Variants in SLC2A2 observed in about 807,000 individuals in gnomAD.
SLC2A2 encodes the protein solute carrier family 2 member 2.
SLC2A2 carries 36 observed loss-of-function variants against 54.5 expected under a neutral mutation model. The observed-to-expected ratio is 0.66, with a 90% confidence interval of 0.51 to 0.87. The LOEUF is 0.87. SLC2A2 is among the 40% of genes least tolerant of loss of function. The pLI, the probability that SLC2A2 is intolerant of heterozygous loss-of-function variation, is 0.00. For synonymous variants in SLC2A2, 223 were observed against 219.1 expected, an observed-to-expected ratio of 1.02 and a Z score of -0.16; for missense variants, 543 against 624.3, an observed-to-expected ratio of 0.87 and a Z score of 1.39.
rs1472003372 is a variant in SLC2A2, at chr3:170,996,899, C to T, written c.*1004G>A. 9 of 376,060 alleles carry T rather than the reference C, an allele frequency of 2.4e-5. No individual in the cohort carries two copies. Among genetic ancestry groups the T allele is most frequent in the Non-Finnish European group, 4.2e-5 (9 of 211,898 alleles). 23.3% of individuals were successfully genotyped at this position (376,060 alleles called of 1,614,324 possible). ...TCAGAAGCCCACACTCAGGAATCCT[C>T]AAACCCTACCTTTTCAACTTATTTT... On this transcript the variant is annotated 3_prime_UTR_variant, in exon 11 of 11. Transcript: ENST00000314251.
At position 170,999,141 on chromosome 3, in the gene SLC2A2, C is replaced by T. The variant is rs781225543; in HGVS notation, c.1094G>A (p.Arg365Gln). 2.0e-5 allele frequency: 32 copies of T among 1,611,868 alleles called. No individual in the cohort carries two copies. Among genetic ancestry groups the T allele is most frequent in the African/African-American group, 1.5e-4 (11 of 74,808 alleles). ...VSVFLVEKAGRRSLFLIGMSG... is the reference protein window; with the variant it reads ...VSVFLVEKAGQRSLFLIGMSG... Reference sequence around the variant, plus strand: ...CATTCCAATTAGAAAGAGAGAACGTCGCCCTGCCTTCTCCACAAGGAATAC... The same window carrying T: ...CATTCCAATTAGAAAGAGAGAACGTTGCCCTGCCTTCTCCACAAGGAATAC... Residue 365 changes from arginine (R) to glutamine (Q), a missense_variant, in exon 9 of 11, where the codon CGA becomes CAA. Physicochemically the swap from Arg to Gln is conservative, Grantham distance 43. Around this residue, in one of 3 missense-constraint regions of SLC2A2, gnomAD observed 117 missense variants for 179.2 expected, o/e 0.65. Transcript: ENST00000314251.
At chr3:170,998,843 TG>T (rs1715215380) in intron 9 of SLC2A2, among the ~76,000 whole-genome samples, 2 of 152,186 alleles carry the variant, frequency 1.3e-5, no homozygotes, top group African/African-American at 4.8e-5. Context: ...ATGGCCTCCC[TG>T]GATGACAACC....
chr3:171,016,837 A>G (rs1576840350), intron 2 of SLC2A2, among the ~76,000 whole-genome samples: 1 of 145,284 alleles, frequency 6.9e-6, no homozygotes, highest in South Asian at 2.2e-4. Flanking sequence ...ACTGGAGGGG[A>G]TGGTTTAATT....
chr3:171,007,018 G>A lies in SLC2A2; in HGVS notation c.612+130C>T, dbSNP rs1715642937. On this transcript the variant is annotated intron_variant, in intron 5 of 10. Coordinates refer to ENST00000314251, the MANE Select transcript of SLC2A2 (RefSeq NM_000340.2). ...TTCTCTCTGTGCTGGTCTACAGTGAGAATGGACAGTCAGGGAGGGACGAGA... is the reference window on the plus strand; with the variant it reads ...TTCTCTCTGTGCTGGTCTACAGTGAAAATGGACAGTCAGGGAGGGACGAGA... 40 of 709,188 alleles carry A rather than the reference G, an allele frequency of 5.6e-5. 2 individuals are homozygous for A. The South Asian group carries it at 6.0e-4, about 11-fold the overall frequency. 43.9% of individuals were successfully genotyped at this position (709,188 alleles called of 1,614,324 possible). A position where few individuals can be genotyped will look rare whatever the true frequency, so the allele number is the denominator to read the frequency against.
At chr3:171,016,839 G>C (rs1435131174) in intron 2 of SLC2A2, among the ~76,000 whole-genome samples, 2 of 146,062 alleles carry the variant, frequency 1.4e-5, no homozygotes, top group African/African-American at 5.3e-5. Flanking sequence ...TGGAGGGGAT[G>C]GTTTAATTTT....
intron 3 of SLC2A2, among the ~76,000 whole-genome samples, chr3:171,013,135 C>A (rs1715967247): frequency 6.6e-6 from 1 of 151,978 alleles, no homozygotes; most frequent in Admixed American, 6.6e-5. Flanking sequence ...TTTAATTTTG[C>A]TTAATTTGAT....
At chr3:171,009,907 A>T in intron 4 of SLC2A2, 51 bp downstream of exon 4, 1 of 1,493,054 alleles carries the variant, frequency 6.7e-7, no homozygotes, top group Non-Finnish European at 9.0e-7. Context: ...TTTCAGACAA[A>T]GGTAGGTGTG....
intron 1 of SLC2A2, among the ~76,000 whole-genome samples, chr3:171,019,124 CGTATGT>C (rs1716325500): frequency 1.8e-4 from 1 of 5,610 alleles, no homozygotes; most frequent in Admixed American, 1.5e-3. Flanking sequence ...TATATATATA[CGTATGT>C]ATATATATAT....
At chr3:171,022,958 C>T (rs963054019) in intron 1 of SLC2A2, among the ~76,000 whole-genome samples, 2 of 152,176 alleles carry the variant, frequency 1.3e-5, no homozygotes, top group South Asian at 2.1e-4. Flanking sequence ...CTATTTCTTT[C>T]CAATCAAATT....
At position 170,997,801 on chromosome 3, in the gene SLC2A2, C is replaced by T. The variant is rs1426806011; in HGVS notation, c.*102G>A. On this transcript the variant is annotated 3_prime_UTR_variant, in exon 11 of 11. Transcript: ENST00000314251. The stretch of plus-strand genomic sequence containing the variant: ...CTGATGAGAGCACATAAAAATAAAA[C>T]AATACTTAAAGATGTGGATATAAAA... The T allele has an allele frequency of 1.1e-6, 1 of 948,616 alleles. No individual in the cohort carries two copies. The highest frequency in any genetic ancestry group is 1.7e-5 in the African/African-American group (1 of 60,316). 58.8% of individuals were successfully genotyped at this position (948,616 alleles called of 1,614,324 possible). A position where few individuals can be genotyped will look rare whatever the true frequency, so the allele number is the denominator to read the frequency against.
At chr3:171,007,949 A>G (rs571956361) in intron 4 of SLC2A2, among the ~76,000 whole-genome samples, 3 of 152,278 alleles carry the variant, frequency 2.0e-5, no homozygotes, top group South Asian at 2.1e-4. Flanking sequence ...AACGAATACA[A>G]AACATTGGAA....
At chr3:171,007,632 A>G (rs1403960690) in intron 4 of SLC2A2, among the ~76,000 whole-genome samples, 1 of 152,074 alleles carries the variant, frequency 6.6e-6, no homozygotes, top group Non-Finnish European at 1.5e-5. Context: ...TCATGGGATT[A>G]AAGGAAATCA....
chr3:171,002,797 G>C, intron 7 of SLC2A2, 117 bp from the exon 8 acceptor site: 3 of 688,520 alleles, frequency 4.4e-6, no homozygotes, highest in Non-Finnish European at 7.8e-6. Flanking sequence ...ATGCACCCTA[G>C]AACTTCGTAC....
At chr3:171,008,700 T>A (rs746348406) in intron 4 of SLC2A2, among the ~76,000 whole-genome samples, 2 of 152,038 alleles carry the variant, frequency 1.3e-5, no homozygotes, top group Non-Finnish European at 2.9e-5. Flanking sequence ...TAATTGGGAC[T>A]TCGTTCATAG....
chr3:171,020,944 T>C (rs1050140011), intron 1 of SLC2A2, among the ~76,000 whole-genome samples: 50 of 150,946 alleles, frequency 3.3e-4, no homozygotes, highest in African/African-American at 1.1e-3. Context: ...TTATCACTTA[T>C]ATATATCATT....
chr3:171,002,451 G>C, intron 8 of SLC2A2, 125 bp downstream of exon 8: 1 of 711,210 alleles, frequency 1.4e-6, no homozygotes, highest in Non-Finnish European at 2.6e-6. Context: ...GACTCACTTG[G>C]GTTTACACAC....
chr3:171,023,084 T>C (rs1716535767), intron 1 of SLC2A2, among the ~76,000 whole-genome samples: 1 of 152,174 alleles, frequency 6.6e-6, no homozygotes, highest in Admixed American at 6.5e-5. Context: ...TTAGAAATCT[T>C]AGCGTGTTAT....
intron 1 of SLC2A2, among the ~76,000 whole-genome samples, chr3:171,021,155 C>T (rs1407644399): frequency 6.6e-6 from 1 of 152,078 alleles, no homozygotes; most frequent in East Asian, 1.9e-4. Context: ...ATTTTATTTA[C>T]TTAGTTGGTG....
chr3:171,026,368 C>CTTTTT (rs58089695), intron 1 of SLC2A2, among the ~76,000 whole-genome samples: 5 of 117,534 alleles, frequency 4.3e-5, no homozygotes, highest in South Asian at 2.8e-4. Context: ...AATCTGCCCC[C>CTTTTT]TTTTTTTTTT....
Sources: gnomAD v4.1 joint callset for allele counts (sites outside exome capture counted in the v4.1 genomes callset) on GRCh38, gnomAD v4.1.1 for gene constraint, gnomAD v4.1.1 regional missense constraint, MANE v1.5 for transcripts, NCBI Gene and HGNC (gene_info 2026-07-23, HGNC 2026-07-21) for gene names.